Variants in CFAP44 observed in about 807,000 individuals in gnomAD.
CFAP44 encodes cilia and flagella associated protein 44, also known as cilia- and flagella-associated protein 44.
In CFAP44, 134 loss-of-function variants were observed where a neutral mutation model predicts 216.2. The observed-to-expected ratio is 0.62, with a 90% CI of 0.54 to 0.72. The LOEUF is 0.72. CFAP44 is among the 30% of genes least tolerant of loss of function. CFAP44 has a pLI of 0.00. For missense variants in CFAP44, 2,035 were observed against 2,182.1 expected (o/e 0.93, Z 1.34); for synonymous variants, 700 against 727.6 (o/e 0.96, Z 0.61).
chr3:113,377,627 ATTAAAT>A (rs1439873066), intron 17 of CFAP44, among the ~76,000 whole-genome samples: 8 of 152,316 alleles, frequency 5.3e-5, no homozygotes, highest in African/African-American at 9.6e-5. Flanking sequence ...AAGGACATCT[ATTAAAT>A]TTAAATTTCA....
Position 113,305,046 on chromosome 3 carries a change from T to G in CFAP44, c.4865A>C (p.Lys1622Thr). The change falls in exon 31 of 35, where the codon AAG becomes ACG. Residue 1622 changes from lysine to threonine, a missense_variant. Transcript: ENST00000393845. The stretch of plus-strand genomic sequence containing the variant: ...CCCCAGACGCATCACCTGGTGGAGC[T>G]TGAGCGGAATCACAACTAGCAGTTC... ...LNELLVVIPL[K>T]LHQIEYVVFG... is the part of the protein sequence containing the mutation. The G allele has an allele frequency of 6.5e-7, 1 of 1,537,210 alleles. No individual in the cohort carries two copies. Among genetic ancestry groups the G allele is most frequent in the Non-Finnish European group, 8.7e-7 (1 of 1,146,902 alleles).
chr3:113,349,244 G>T (rs1263043411), intron 22 of CFAP44, among the ~76,000 whole-genome samples: 2 of 152,158 alleles, frequency 1.3e-5, no homozygotes, highest in Non-Finnish European at 2.9e-5. Flanking sequence ...TCCCCTGTCA[G>T]CCGACTCCCT....
intron 28 of CFAP44, among the ~76,000 whole-genome samples, chr3:113,318,104 G>A (rs1950105563): frequency 6.6e-6 from 1 of 152,114 alleles, no homozygotes; most frequent in South Asian, 2.1e-4. Context: ...TCAGAATCTG[G>A]ATGTCAAGGA....
At chr3:113,354,106 TTC>T (rs1950472424) in intron 22 of CFAP44, among the ~76,000 whole-genome samples, 1 of 152,134 alleles carries the variant, frequency 6.6e-6, no homozygotes, top group South Asian at 2.1e-4. Flanking sequence ...AAAAATCTTT[TTC>T]CATGTAACTT....
At chr3:113,323,244 A>G (rs1003269409) in intron 28 of CFAP44, among the ~76,000 whole-genome samples, 6 of 152,230 alleles carry the variant, frequency 3.9e-5, no homozygotes, top group African/African-American at 1.2e-4. Context: ...GGTTGGACAA[A>G]GAAAATCTAC....
chr3:113,399,691 T>C (rs1415330529), intron 13 of CFAP44, among the ~76,000 whole-genome samples: 1 of 152,196 alleles, frequency 6.6e-6, no homozygotes, highest in African/African-American at 2.4e-5. Flanking sequence ...GTTACAAATC[T>C]ACAGGTGGCA....
intron 25 of CFAP44, among the ~76,000 whole-genome samples, chr3:113,330,910 G>A (rs766439948): frequency 3.3e-5 from 5 of 152,190 alleles, no homozygotes; most frequent in Admixed American, 6.5e-5. Flanking sequence ...GGCTTCCCAC[G>A]ATTTGTTCCC....
chr3:113,326,535 C>G lies in CFAP44; in HGVS notation c.4426G>C (p.Gly1476Arg). The G allele has an allele frequency of 6.5e-7, 1 of 1,531,502 alleles. No individual in the cohort carries two copies. Among genetic ancestry groups the G allele is most frequent in the Non-Finnish European group, 8.7e-7 (1 of 1,144,482 alleles). 94.9% of individuals were successfully genotyped at this position (1,531,502 alleles called of 1,614,324 possible). ...ALYAGFQAAIGENNKFANFLM... is the reference protein window; with the variant it reads ...ALYAGFQAAIRENNKFANFLM... ...AAGTTTGCAAATTTATTGTTTTCTCCAATGGCTGCTTGAAAACCAGCATAG... is the reference window on the plus strand; with the variant it reads ...AAGTTTGCAAATTTATTGTTTTCTCGAATGGCTGCTTGAAAACCAGCATAG... Residue 1476 changes from glycine (G) to arginine (R), a missense_variant, in exon 28 of 35, where the codon GGA (glycine) becomes CGA (arginine). Transcript: ENST00000393845.
In CFAP44 at chr3:113,357,269, C is replaced by T. The variant is rs116037863; in HGVS notation, c.3065+1476G>A. Among the ~76,000 whole-genome samples, 1,478 of 152,316 alleles carry T rather than the reference C, an allele frequency of 9.7e-3. 18 individuals are homozygous for T. The highest frequency in any genetic ancestry group is 0.034 in the African/African-American group (1,398 of 41,570). The stretch of plus-strand genomic sequence containing the variant: ...AAAGCTATGTTGAGGCCCTAACCCC[C>T]AGCACCTCAGAGTGTGACCTTATTT... On this transcript the variant is annotated intron_variant, in intron 22 of 34. Coordinates refer to ENST00000393845, the MANE Select transcript of CFAP44 (RefSeq NM_001164496.2).
chr3:113,378,167 C>G (rs570876030), intron 17 of CFAP44, among the ~76,000 whole-genome samples: 7 of 152,206 alleles, frequency 4.6e-5, no homozygotes, highest in Admixed American at 1.3e-4. Context: ...ATTTTTGCAT[C>G]TATATTTCCA....
At chr3:113,375,860 TA>T (rs901810445) in intron 17 of CFAP44, among the ~76,000 whole-genome samples, 3 of 150,750 alleles carry the variant, frequency 2.0e-5, no homozygotes, top group Non-Finnish European at 3.0e-5. Context: ...AAATCACCTC[TA>T]AAAGAATAGT....
At chr3:113,352,389 G>A (rs1463623473) in intron 22 of CFAP44, among the ~76,000 whole-genome samples, 11 of 152,118 alleles carry the variant, frequency 7.2e-5, no homozygotes. Flanking sequence ...TCACTCTTTG[G>A]GTCTGCACCA....
chr3:113,295,667 A>G (rs1949872972), intron 33 of CFAP44, among the ~76,000 whole-genome samples: 1 of 152,220 alleles, frequency 6.6e-6, no homozygotes, highest in Non-Finnish European at 1.5e-5. Flanking sequence ...GAAAGCTCCT[A>G]TCTCTGAATC....
At chr3:113,341,670 T>C in intron 24 of CFAP44, 74 bp downstream of exon 24, 5 of 1,303,036 alleles carry the variant, frequency 3.8e-6, no homozygotes, top group South Asian at 4.0e-5. Context: ...TCAATAAATA[T>C]AAAGATTTTT....
chr3:113,291,731 G>T lies in CFAP44; in HGVS notation c.5391C>A (p.Gly1797=), dbSNP rs753305361. 4.6e-6 allele frequency: 7 copies of T among 1,535,956 alleles called. No homozygotes were observed. The South Asian group carries it at 8.3e-5, about 18-fold the overall frequency. The part of the protein sequence containing the change: ...LQNQQGNAFQ[G]PREADVVARE... ...TTGCCACAACATCTGCTTCCCGAGG[G>T]CCCTGGAAGGCATTGCCCTGTTGAA... Residue 1797 remains glycine (G), a synonymous_variant, in exon 35 of 35, where the codon GGC becomes GGA. Transcript: ENST00000393845.
intron 32 of CFAP44, among the ~76,000 whole-genome samples, chr3:113,300,743 T>C (rs1391985720): frequency 6.6e-6 from 1 of 151,992 alleles, no homozygotes; most frequent in Non-Finnish European, 1.5e-5. Flanking sequence ...CAAAGACATA[T>C]AAAATGTGCT....
chr3:113,333,693 T>C (rs1484732018), intron 24 of CFAP44, 110 bp from the exon 25 acceptor site: 2 of 1,250,522 alleles, frequency 1.6e-6, no homozygotes, highest in East Asian at 2.7e-5. Flanking sequence ...AAAAGTATGA[T>C]TTCAAATCTG....
At position 113,399,954 on chromosome 3, in the gene CFAP44, CT is replaced by C; in HGVS notation, c.1520del (p.Gln507ArgfsTer2). The C allele has an allele frequency of 6.2e-7, 1 of 1,603,338 alleles. No homozygotes were observed. ...YDFASKTPLAQMKFKQGGTAL... is the reference protein window; with the variant it reads ...YDFASKTPLAXMKFKQGGTAL... ...CAGTACCTCCTTGTTTGAATTTCAT[CT>C]GGGCCAAAGGAGTTTTGCTAGCAAA... On this transcript the variant is annotated frameshift_variant, in exon 13 of 35. Transcript: ENST00000393845. LOFTEE classifies it high-confidence loss of function.
Position 113,427,254 on chromosome 3 carries a change from GTCT to G in CFAP44, c.183_185del (p.Glu61del). On this transcript the variant is annotated inframe_deletion, in exon 3 of 35. Coordinates refer to ENST00000393845, the MANE Select transcript of CFAP44 (RefSeq NM_001164496.2). ...TTCCTTCCAAACGTTCCTCATCTGAGTCTTCTTCTAAATATGATCCTTCCCCTT... is the reference window on the plus strand; with the variant it reads ...TTCCTTCCAAACGTTCCTCATCTGAGTCTTCTAAATATGATCCTTCCCCTT... 1 of 1,613,446 alleles carries G rather than the reference GTCT, an allele frequency of 6.2e-7. No homozygotes were observed.
Sources: gnomAD v4.1 joint callset for allele counts (sites outside exome capture counted in the v4.1 genomes callset) on GRCh38, gnomAD v4.1.1 for gene constraint, MANE v1.5 for transcripts, NCBI Gene and HGNC (gene_info 2026-07-23, HGNC 2026-07-21) for gene names.